CYP27A1: variants seen among roughly 807,000 people sequenced by gnomAD.
The protein encoded by CYP27A1 is cytochrome P450 family 27 subfamily A member 1.
A neutral mutation model predicts 58.2 loss-of-function variants in CYP27A1; 46 were observed. The ratio of observed to expected loss-of-function variants is 0.79; its 90% CI spans 0.62 to 1.01. The LOEUF (loss-of-function observed/expected upper bound fraction) is 1.01. Among genes scored for constraint, CYP27A1 ranks in the 50% least tolerant of loss-of-function variants. CYP27A1 has a pLI of 0.00. For synonymous variants in CYP27A1, 274 were observed against 285.1 expected, an observed-to-expected ratio of 0.96 and a Z score of 0.39; for missense variants, 704 against 687.0, an observed-to-expected ratio of 1.02 and a Z score of -0.28.
intron 5 of CYP27A1, among the ~76,000 whole-genome samples, chr2:218,813,787 C>A (rs942069017): frequency 1.3e-5 from 2 of 152,112 alleles, no homozygotes; most frequent in Non-Finnish European, 2.9e-5. Context: ...TTGGGTTTCT[C>A]TGTGTTGCCG....
chr2:218,810,513 G>C (rs1943701494), intron 2 of CYP27A1, among the ~76,000 whole-genome samples: 1 of 152,138 alleles, frequency 6.6e-6, no homozygotes, highest in South Asian at 2.1e-4. Context: ...GAATCTTTGA[G>C]TCAGATGACT....
At chr2:218,808,231 G>A (rs1278203058) in intron 1 of CYP27A1, among the ~76,000 whole-genome samples, 6 of 152,174 alleles carry the variant, frequency 3.9e-5, no homozygotes, top group Admixed American at 3.9e-4. Flanking sequence ...TTCCTTCCAG[G>A]AAAATAGGCA....
rs974315820 is a variant in CYP27A1, at chr2:218,809,856, C to T, written c.446+89C>T. ...ACAGGGCAGGCAGGTGGATAACCGG[C>T]AGAATAGTACCCTCTGCATCCTCTG... On this transcript the variant is annotated intron_variant, in intron 2 of 8. Coordinates refer to ENST00000258415, the MANE Select transcript of CYP27A1 (RefSeq NM_000784.4). The T allele has an allele frequency of 2.5e-6, 3 of 1,207,404 alleles. No homozygotes were observed. The African/African-American group carries it at 4.5e-5, about 18-fold the overall frequency. The allele number at this position is 1,207,404 out of a possible 1,614,324, so 74.8% of individuals were successfully genotyped here. A position where few individuals can be genotyped will look rare whatever the true frequency, so the allele number is the denominator to read the frequency against.
rs1943400685 is a variant in CYP27A1 at position 218,782,361 on chromosome 2, T to G, written c.179T>G (p.Ile60Ser). The change falls in exon 1 of 9, where the codon ATT (isoleucine) becomes AGT (serine). Residue 60 changes from isoleucine to serine, a missense_variant. Ile to Ser is a moderately radical substitution (Grantham distance 142). Coordinates refer to ENST00000258415, the MANE Select transcript of CYP27A1 (RefSeq NM_000784.4). This position sits in a 1 kb window ranked among gnomAD's most constrained non-coding sequence, Gnocchi z 4.1. ...VRRRQRSLEE[I>S]PRLGQLRFFF... ...CGGCGGCAACGGAGCTTAGAGGAGA[T>G]TCCACGTCTAGGACAGCTGCGCTTC... 3 of 1,614,096 alleles carry G rather than the reference T, an allele frequency of 1.9e-6. No homozygotes were observed. The East Asian group carries it at 6.7e-5, about 36-fold the overall frequency.
chr2:218,811,550 A>T (rs995840636), intron 2 of CYP27A1, among the ~76,000 whole-genome samples: 1 of 152,066 alleles, frequency 6.6e-6, no homozygotes, highest in Non-Finnish European at 1.5e-5. Context: ...AGGAGGCCTG[A>T]CCACCTACCT....
intron 1 of CYP27A1, among the ~76,000 whole-genome samples, chr2:218,808,527 G>A (rs990840058): frequency 6.6e-6 from 1 of 152,178 alleles, no homozygotes; most frequent in African/African-American, 2.4e-5. Flanking sequence ...GTTGGGTGAC[G>A]TTTCCTTCTG....
At chr2:218,811,399 A>T (rs1021569875) in intron 2 of CYP27A1, among the ~76,000 whole-genome samples, 1 of 152,162 alleles carries the variant, frequency 6.6e-6, no homozygotes, top group African/African-American at 2.4e-5. Flanking sequence ...CTAGCCTTTT[A>T]AAAAAATGGA....
At position 218,814,910 on chromosome 2, in the gene CYP27A1, G is replaced by A. The variant is rs1454908929; in HGVS notation, c.1477-1G>A. 1 of 1,614,232 alleles carries A rather than the reference G, an allele frequency of 6.2e-7. No individual in the cohort carries two copies. The highest frequency in any genetic ancestry group is 8.5e-7 in the Non-Finnish European group (1 of 1,180,040). On this transcript the variant is annotated splice_acceptor_variant, in intron 8 of 8. Transcript: ENST00000258415. LOFTEE classifies it high-confidence loss of function. ...AACCACATGTGCTCTTTACCCCCCAGCTGATCCAGAAGTACAAGGTGGTCC... is the reference window on the plus strand; with the variant it reads ...AACCACATGTGCTCTTTACCCCCCAACTGATCCAGAAGTACAAGGTGGTCC...
chr2:218,783,682 G>GT (rs1943416484), intron 1 of CYP27A1, among the ~76,000 whole-genome samples: 1 of 152,194 alleles, frequency 6.6e-6, no homozygotes. Flanking sequence ...GGGAGAAGCT[G>GT]TTCTAAGGTT....
chr2:218,807,691 C>T (rs544308026), intron 1 of CYP27A1, among the ~76,000 whole-genome samples: 4 of 152,054 alleles, frequency 2.6e-5, no homozygotes, highest in South Asian at 4.2e-4. Context: ...AGTCATGGCT[C>T]AATGCAGCTT....
intron 1 of CYP27A1, among the ~76,000 whole-genome samples, chr2:218,803,957 T>G (rs1018923331): frequency 6.6e-6 from 1 of 151,320 alleles, no homozygotes; most frequent in Admixed American, 6.6e-5. Context: ...AGTCTTGAAT[T>G]CCTGACCTCA....
Position 218,812,188 on chromosome 2 carries a change from C to T in CYP27A1, c.447-34C>T, listed in dbSNP as rs752415367. On this transcript the variant is annotated intron_variant, in intron 2 of 8. Transcript: ENST00000258415. ...TCCCTTAATTGAACCCCCATAGAGGCTTATCTTTGTGCTGTTCCTCTGCGT... is the reference window on the plus strand; with the variant it reads ...TCCCTTAATTGAACCCCCATAGAGGTTTATCTTTGTGCTGTTCCTCTGCGT... 7.0e-6 allele frequency: 11 copies of T among 1,568,552 alleles called. No homozygotes were observed. The South Asian group carries it at 7.8e-5, about 11-fold the overall frequency.
chr2:218,790,621 A>G (rs1460111922), intron 1 of CYP27A1, among the ~76,000 whole-genome samples: 1 of 152,198 alleles, frequency 6.6e-6, no homozygotes, highest in Non-Finnish European at 1.5e-5. Flanking sequence ...TTCAGAAGAG[A>G]ATTTTAAGTC....
At position 218,815,149 on chromosome 2, in the gene CYP27A1, T is replaced by G; in HGVS notation, c.*119T>G. 1 of 1,236,710 alleles carries G rather than the reference T, an allele frequency of 8.1e-7. No individual in the cohort carries two copies. The highest frequency in any genetic ancestry group is 1.2e-6 in the Non-Finnish European group (1 of 859,826). The allele number at this position is 1,236,710 out of a possible 1,614,324, so 76.6% of individuals were successfully genotyped here. A position where few individuals can be genotyped will look rare whatever the true frequency, so the allele number is the denominator to read the frequency against. ...GAAGGAGGCCGCCAGACTCGAGAGG[T>G]GGGAGGAACTCCTTGCACACACCCT... On this transcript the variant is annotated 3_prime_UTR_variant, in exon 9 of 9. Coordinates refer to ENST00000258415, the MANE Select transcript of CYP27A1 (RefSeq NM_000784.4).
chr2:218,814,228 G>A (rs902199827), intron 6 of CYP27A1, 41 bp downstream of exon 6: 2 of 1,613,768 alleles, frequency 1.2e-6, no homozygotes, highest in South Asian at 1.1e-5. Flanking sequence ...GGATCTCTTT[G>A]TGGGGAGGGA....
intron 1 of CYP27A1, among the ~76,000 whole-genome samples, chr2:218,783,966 T>C (rs1943419017): frequency 6.6e-6 from 1 of 152,120 alleles, no homozygotes; most frequent in Non-Finnish European, 1.5e-5. Flanking sequence ...ACGGCCTGCA[T>C]GGAACACTGT....
At position 218,812,297 on chromosome 2, in the gene CYP27A1, T is replaced by A; in HGVS notation, c.522T>A (p.Tyr174Ter). 6.2e-7 allele frequency: 1 copy of A among 1,614,232 alleles called. No homozygotes were observed. The highest frequency in any genetic ancestry group is 1.1e-5 in the South Asian group (1 of 91,092). ...RLLKPAEAAL[Y>*]TDAFNEVIDD... ...TGAAGCCAGCGGAAGCAGCGCTCTA[T>A]ACGGATGCTTTCAATGAGGTGATTG... Residue 174 changes from tyrosine (Y) to a stop codon, truncating the protein, a stop_gained, in exon 3 of 9, where the codon TAT becomes TAA. Coordinates refer to ENST00000258415, the MANE Select transcript of CYP27A1 (RefSeq NM_000784.4). LOFTEE classifies it high-confidence loss of function.
At chr2:218,783,015 G>A (rs1407947662) in intron 1 of CYP27A1, among the ~76,000 whole-genome samples, 2 of 152,086 alleles carry the variant, frequency 1.3e-5, no homozygotes, top group Non-Finnish European at 2.9e-5. Flanking sequence ...TCAGCACCTT[G>A]GGAGGCTGAG....
rs992066871 is a variant in CYP27A1, at chr2:218,791,567, G to A, written c.255+9130G>A. ...GGAAAAAGTCTACATCAAGGATACC[G>A]TCTTCTTCTGGGGAGAAACTTCCCT... On this transcript the variant is annotated intron_variant, in intron 1 of 8. Coordinates refer to ENST00000258415, the MANE Select transcript of CYP27A1 (RefSeq NM_000784.4). Among the ~76,000 whole-genome samples, 9 of 152,142 alleles carry A rather than the reference G, an allele frequency of 5.9e-5. 1 individual carries two copies. Among genetic ancestry groups the A allele is most frequent in the Admixed American group, 3.9e-4 (6 of 15,280 alleles).
Sources: gnomAD v4.1 joint callset for allele counts (sites outside exome capture counted in the v4.1 genomes callset) on GRCh38, gnomAD v4.1.1 for gene constraint, Gnocchi (gnomAD v3.1) non-coding constraint, MANE v1.5 for transcripts, NCBI Gene and HGNC (gene_info 2026-07-23, HGNC 2026-07-21) for gene names.